Variants in PRELID2 observed in about 807,000 individuals in gnomAD.
PRELID2 encodes the protein PRELI domain containing 2.
A neutral mutation model predicts 28.4 loss-of-function variants in PRELID2; 25 were observed. The observed-to-expected ratio is 0.88, with a 90% CI of 0.64 to 1.23. The LOEUF is 1.23. Among genes scored for constraint, PRELID2 ranks in the 50% most tolerant of loss-of-function variants. The pLI is 0.00. For missense variants in PRELID2, 201 were observed against 214.4 expected (o/e 0.94, Z 0.39); for synonymous variants, 76 against 71.6 (o/e 1.06, Z -0.31).
the PRELID2 span, among the ~76,000 whole-genome samples, chr5:145,271,588 A>T: frequency 2.6e-5 from 4 of 152,276 alleles, no homozygotes; most frequent in East Asian, 7.7e-4. Flanking sequence ...ATTCTAGTTA[A>T]GTTACTGTCA....
At chr5:145,664,155 C>T (rs1754544742) in intron 1 of PRELID2, among the ~76,000 whole-genome samples, 1 of 152,030 alleles carries the variant, frequency 6.6e-6, no homozygotes, top group South Asian at 2.1e-4. Context: ...AATTGTTGTT[C>T]CTTGGTACAT....
At chr5:145,800,593 G>T (rs768856904) in intron 4 of PRELID2, among the ~76,000 whole-genome samples, 5 of 152,086 alleles carry the variant, frequency 3.3e-5, no homozygotes, top group Non-Finnish European at 5.9e-5. Flanking sequence ...GTAGGTGAGG[G>T]ATTAATAAGA....
At chr5:145,673,333 G>C (rs979209833) in intron 1 of PRELID2, among the ~76,000 whole-genome samples, 2 of 152,118 alleles carry the variant, frequency 1.3e-5, no homozygotes, top group African/African-American at 2.4e-5. Context: ...GGAAGGGAAA[G>C]AAGGGATTGC....
At chr5:145,544,594 T>C (rs1401417761) in intron 1 of PRELID2, among the ~76,000 whole-genome samples, 1 of 152,122 alleles carries the variant, frequency 6.6e-6, no homozygotes, top group Non-Finnish European at 1.5e-5. Context: ...GCCACCCTTT[T>C]GAGAAGTGTC....
intron 1 of PRELID2, among the ~76,000 whole-genome samples, chr5:145,637,454 T>A (rs1754018787): frequency 6.6e-6 from 1 of 151,962 alleles, no homozygotes; most frequent in Non-Finnish European, 1.5e-5. Flanking sequence ...ATTTTCAAAC[T>A]CTGTTTTCTC....
intron 1 of PRELID2, among the ~76,000 whole-genome samples, chr5:145,678,119 G>A (rs1754857153): frequency 6.6e-6 from 1 of 152,142 alleles, no homozygotes; most frequent in Non-Finnish European, 1.5e-5. Context: ...ATATAATCCA[G>A]GCAAAAACTT....
At chr5:145,456,138 T>A in the PRELID2 span, among the ~76,000 whole-genome samples, 2 of 152,344 alleles carry the variant, frequency 1.3e-5, no homozygotes, top group South Asian at 4.1e-4. Context: ...GTTACTGAGC[T>A]ATAAGGAGTT....
rs148890875 is a variant in PRELID2, at chr5:145,681,064, C to T, written n.70+83867G>A. On this transcript the variant is annotated intron_variant and non_coding_transcript_variant, in intron 1 of 2. Coordinates refer to the PRELID2 transcript ENST00000510259. ...GGGGTTGGGATGCTTCTGTCTGCTTCGGCAGTGGCCTCTTCACTCCGGTAC... is the reference window on the plus strand; with the variant it reads ...GGGGTTGGGATGCTTCTGTCTGCTTTGGCAGTGGCCTCTTCACTCCGGTAC... 2.4e-3 allele frequency among the ~76,000 whole-genome samples: 368 copies of T among 152,304 alleles called. 4 individuals carry two copies. The highest frequency in any genetic ancestry group is 8.3e-3 in the African/African-American group (345 of 41,570).
At chr5:145,718,872 T>G (rs1755911928) in intron 1 of PRELID2, among the ~76,000 whole-genome samples, 1 of 151,994 alleles carries the variant, frequency 6.6e-6, no homozygotes, top group African/African-American at 2.4e-5. Flanking sequence ...TTGATAAGTG[T>G]AAGATGTGAG....
At chr5:145,488,038 C>T (rs902831402) in intron 1 of PRELID2, among the ~76,000 whole-genome samples, 2 of 149,288 alleles carry the variant, frequency 1.3e-5, no homozygotes, top group East Asian at 2.0e-4. Flanking sequence ...GCAGGAGAAT[C>T]GCTTGAACCC....
intron 1 of PRELID2, among the ~76,000 whole-genome samples, chr5:145,592,802 C>T (rs960886053): frequency 2.6e-5 from 4 of 152,044 alleles, no homozygotes; most frequent in African/African-American, 4.8e-5. Context: ...AACCGACAGA[C>T]ATTGAAGATA....
intron 1 of PRELID2, among the ~76,000 whole-genome samples, chr5:145,744,591 C>A (rs990810471): frequency 3.9e-5 from 6 of 152,124 alleles, no homozygotes; most frequent in African/African-American, 1.4e-4. Flanking sequence ...GAACCCCCAG[C>A]AAACCACAGC....
At chr5:145,316,440 A>C in the PRELID2 span, among the ~76,000 whole-genome samples, 1 of 152,200 alleles carries the variant, frequency 6.6e-6, no homozygotes, top group South Asian at 2.1e-4. Context: ...CTAGATTGTT[A>C]AACATTTACC....
chr5:145,801,404 C>A (rs1385110542), intron 4 of PRELID2, among the ~76,000 whole-genome samples: 1 of 152,132 alleles, frequency 6.6e-6, no homozygotes, highest in Non-Finnish European at 1.5e-5. Flanking sequence ...CATAGTGTTT[C>A]ATCATCCTCA....
At chr5:145,553,145 T>A (rs1054944114) in intron 1 of PRELID2, among the ~76,000 whole-genome samples, 1 of 150,868 alleles carries the variant, frequency 6.6e-6, no homozygotes. Context: ...AAAAGTGATA[T>A]AATATTATAA....
the PRELID2 span, among the ~76,000 whole-genome samples, chr5:145,446,081 A>C: frequency 6.6e-6 from 1 of 152,098 alleles, no homozygotes. Context: ...GGATGACTAT[A>C]GTTAACAATA....
intron 1 of PRELID2, among the ~76,000 whole-genome samples, chr5:145,608,570 C>T (rs144739176): frequency 6.6e-6 from 1 of 152,260 alleles, no homozygotes; most frequent in East Asian, 1.9e-4. Flanking sequence ...AATATAGGCC[C>T]CCAATCTTCC....
the PRELID2 span, among the ~76,000 whole-genome samples, chr5:145,359,797 G>C: frequency 6.6e-6 from 1 of 152,146 alleles, no homozygotes; most frequent in Non-Finnish European, 1.5e-5. Flanking sequence ...AGCTGGCTCA[G>C]AGCTGAGTCC....
intron 1 of PRELID2, among the ~76,000 whole-genome samples, chr5:145,528,834 C>G (rs2126658812): frequency 6.6e-6 from 1 of 151,860 alleles, no homozygotes; most frequent in East Asian, 1.9e-4. Context: ...CAGATGCATA[C>G]CTCATCAATG....
Sources: gnomAD v4.1 joint callset for allele counts (sites outside exome capture counted in the v4.1 genomes callset) on GRCh38, gnomAD v4.1.1 for gene constraint, MANE v1.5 for transcripts, NCBI Gene and HGNC (gene_info 2026-07-23, HGNC 2026-07-21) for gene names.